CCDC171: variants seen among roughly 807,000 people sequenced by gnomAD.
CCDC171 encodes the protein coiled-coil domain containing 171, also known as coiled-coil domain-containing protein 171.
Under a neutral mutation model 168.2 loss-of-function variants are expected in CCDC171, and 177 were observed. The observed-to-expected ratio is 1.05, with a 90% confidence interval of 0.93 to 1.19. The LOEUF (loss-of-function observed/expected upper bound fraction) is 1.19. Ranked by LOEUF, CCDC171 falls within the 50% of genes most tolerant of loss-of-function variation. CCDC171 has a pLI of 0.00. For synonymous variants in CCDC171, 687 were observed against 540.8 expected (o/e 1.27, Z -3.75); for missense variants, 1,991 against 1,539.0 (o/e 1.29, Z -4.91).
At chr9:15,888,457 A>T (rs929926653) in intron 24 of CCDC171, among the ~76,000 whole-genome samples, 3 of 152,188 alleles carry the variant, frequency 2.0e-5, no homozygotes, top group African/African-American at 7.2e-5. Context: ...AGTAATGCAA[A>T]CATTTCTACT....
In CCDC171 at chr9:15,725,145, CTT is replaced by C. The variant is rs928652571; in HGVS notation, c.1692+172_1692+173del. ...CACTCCATTACTCTTGTGTCATTCT[CTT>C]TTGTGAGAGAAGTACTATAACTTGC... is the stretch of plus-strand genomic sequence containing the variant. On this transcript the variant is annotated intron_variant, in intron 14 of 25. Coordinates refer to ENST00000380701, the MANE Select transcript of CCDC171 (RefSeq NM_173550.4). Among the ~76,000 whole-genome samples the C allele has an allele frequency of 3.9e-5, 6 of 152,186 alleles. No individual in the cohort carries two copies. The East Asian group carries it at 9.6e-4, about 24-fold the overall frequency.
rs367950189 is a variant in CCDC171 at position 15,858,684 on chromosome 9, T to C, written c.3468+9737T>C. ...TTGATGTGGTTATAAGTGTGATTTTTTTTAGTGTTTACCTTGGTGTTTACA... is the reference window on the plus strand; with the variant it reads ...TTGATGTGGTTATAAGTGTGATTTTCTTTAGTGTTTACCTTGGTGTTTACA... On this transcript the variant is annotated intron_variant, in intron 23 of 25. Coordinates refer to ENST00000380701, the MANE Select transcript of CCDC171 (RefSeq NM_173550.4). 3.9e-5 allele frequency among the ~76,000 whole-genome samples: 6 copies of C among 152,192 alleles called. No individual in the cohort carries two copies. The South Asian group carries it at 8.3e-4, about 21-fold the overall frequency.
At chr9:15,864,940 A>G (rs1276365262) in intron 23 of CCDC171, among the ~76,000 whole-genome samples, 4 of 152,064 alleles carry the variant, frequency 2.6e-5, no homozygotes, top group African/African-American at 7.2e-5. Context: ...AAGTTTGGAA[A>G]GATTAACTGA....
chr9:15,745,479 T>A, intron 17 of CCDC171, 36 bp from the exon 18 acceptor site: 1 of 1,289,766 alleles, frequency 7.8e-7, no homozygotes, highest in South Asian at 1.4e-5. Context: ...AATAAAGTTT[T>A]GTAGAATTTT....
chr9:15,637,552 C>G (rs1370330689), intron 7 of CCDC171, among the ~76,000 whole-genome samples: 1 of 151,590 alleles, frequency 6.6e-6, no homozygotes, highest in South Asian at 2.1e-4. Context: ...ATGTGCCATG[C>G]TGGTGTGCTG....
intron 3 of CCDC171, among the ~76,000 whole-genome samples, chr9:15,990,299 C>G (rs562120573): frequency 7.9e-5 from 12 of 151,994 alleles, no homozygotes; most frequent in Non-Finnish European, 8.8e-5. Flanking sequence ...GAATTTTCAA[C>G]CCAGAATTTC....
chr9:15,772,175 AT>A (rs2135294154), intron 18 of CCDC171, among the ~76,000 whole-genome samples: 1 of 152,262 alleles, frequency 6.6e-6, no homozygotes, highest in South Asian at 2.1e-4. Flanking sequence ...CTTTTCCCTG[AT>A]TAAGATATGC....
chr9:15,643,046 G>A (rs1226504249), intron 7 of CCDC171, among the ~76,000 whole-genome samples: 1 of 151,560 alleles, frequency 6.6e-6, no homozygotes, highest in Admixed American at 6.6e-5. Context: ...TTCTCTCTGT[G>A]CCCTTTATTT....
intron 6 of CCDC171, among the ~76,000 whole-genome samples, chr9:15,610,481 A>AAAAAAC (rs1564044335): frequency 1.5e-5 from 2 of 136,754 alleles, no homozygotes; most frequent in Non-Finnish European, 3.1e-5. Context: ...AAAAAAAAAA[A>AAAAAAC]CTGGGCGTGG....
At chr9:15,601,271 T>A (rs1053934142) in intron 6 of CCDC171, among the ~76,000 whole-genome samples, 2 of 152,218 alleles carry the variant, frequency 1.3e-5, no homozygotes, top group Admixed American at 1.3e-4. Flanking sequence ...TTGGCCATCT[T>A]GGCTCCACAG....
At chr9:15,701,880 C>A (rs945164536) in intron 11 of CCDC171, among the ~76,000 whole-genome samples, 6 of 152,158 alleles carry the variant, frequency 3.9e-5, no homozygotes, top group Non-Finnish European at 7.3e-5. Context: ...CTAATGGCAC[C>A]TGGAATGGTG....
At chr9:15,859,328 G>A (rs1343195247) in intron 23 of CCDC171, among the ~76,000 whole-genome samples, 1 of 151,844 alleles carries the variant, frequency 6.6e-6, no homozygotes, top group Admixed American at 6.6e-5. Flanking sequence ...ATTCATCAGG[G>A]ATATTGGCCT....
intron 6 of CCDC171, among the ~76,000 whole-genome samples, chr9:15,597,046 C>A (rs1480029494): frequency 3.3e-5 from 5 of 152,070 alleles, no homozygotes; most frequent in Admixed American, 2.6e-4. Flanking sequence ...AGATTTTGGG[C>A]TGAGACGATG....
Position 15,723,704 on chromosome 9 carries a change from T to G in CCDC171, c.1449T>G (p.Asp483Glu), listed in dbSNP as rs370167361. The G allele has an allele frequency of 1.3e-6, 2 of 1,592,238 alleles. No homozygotes were observed. Among genetic ancestry groups the G allele is most frequent in the Admixed American group, 3.5e-5 (2 of 57,834 alleles). Residue 483 changes from aspartate (D) to glutamate (E), a missense_variant, in exon 13 of 26, where the codon GAT (aspartate) becomes GAG (glutamate). Coordinates refer to ENST00000380701, the MANE Select transcript of CCDC171 (RefSeq NM_173550.4). The stretch of plus-strand genomic sequence containing the variant: ...AGGAAAAGGCATGTAATGAACTTGA[T>G]TCTACGAAACAGAAGATAGACTCTC... ...SNEEKACNELDSTKQKIDSHT... is the reference protein window; with the variant it reads ...SNEEKACNELESTKQKIDSHT...
chr9:15,602,647 C>CTTTTTTTTTTTTTTTTTTTTTTTT (rs1161286304), intron 6 of CCDC171, among the ~76,000 whole-genome samples: 10 of 30,464 alleles, frequency 3.3e-4, no homozygotes, highest in African/African-American at 6.2e-4. Context: ...TTTTTTTTTT[C>CTTTTTTTTTTTTTTTTTTTTTTTT]TTTTTTTTTT....
intron 21 of CCDC171, among the ~76,000 whole-genome samples, chr9:15,790,518 T>G (rs1409128534): frequency 6.6e-6 from 1 of 152,250 alleles, no homozygotes; most frequent in Non-Finnish European, 1.5e-5. Context: ...ATGAGTAGAT[T>G]GCAAAATTTT....
At chr9:15,881,722 T>G (rs1169474) in intron 24 of CCDC171, among the ~76,000 whole-genome samples, 1 of 152,052 alleles carries the variant, frequency 6.6e-6, no homozygotes, top group Non-Finnish European at 1.5e-5. Context: ...GAACATGCAA[T>G]ATTTGTCTTT....
In CCDC171 at chr9:15,967,340, C is replaced by T. The variant is rs189850091; in HGVS notation, c.3754-4269C>T. Among the ~76,000 whole-genome samples, 5 of 152,260 alleles carry T rather than the reference C, an allele frequency of 3.3e-5. No individual in the cohort carries two copies. The East Asian group carries it at 9.6e-4, about 29-fold the overall frequency. On this transcript the variant is annotated intron_variant, in intron 25 of 25. Transcript: ENST00000380701. ...TAATTTACAGGGCTTAAAACATCATCATGGAGTTTGAAGTAATGAAAAGAG... is the reference window on the plus strand; with the variant it reads ...TAATTTACAGGGCTTAAAACATCATTATGGAGTTTGAAGTAATGAAAAGAG...
the CCDC171 span, among the ~76,000 whole-genome samples, chr9:16,090,734 C>T: frequency 6.6e-6 from 1 of 152,070 alleles, no homozygotes; most frequent in Non-Finnish European, 1.5e-5. Context: ...CTTTATGAAG[C>T]CTAACATGAG....
Sources: allele counts gnomAD v4.1 joint callset (sites outside exome capture counted in the v4.1 genomes callset), GRCh38; gene constraint gnomAD v4.1.1; transcripts MANE v1.5; gene names NCBI Gene and HGNC (gene_info 2026-07-23, HGNC 2026-07-21).